The following ERC2 variants were observed in gnomAD, a reference collection of about 807,000 sequenced individuals.
ERC2 encodes ELKS/RAB6-interacting/CAST family member 2.
Under a neutral mutation model 114.8 loss-of-function variants are expected in ERC2, and 42 were observed. The ratio of observed to expected loss-of-function variants is 0.37; its 90% CI spans 0.29 to 0.47. The LOEUF (loss-of-function observed/expected upper bound fraction) is 0.47, where lower values mean the gene tolerates loss of function less well. Ranked by LOEUF, ERC2 falls within the 20% of genes least tolerant of loss-of-function variation. The pLI, the probability that ERC2 is intolerant of heterozygous loss-of-function variation, is 0.99. For missense variants in ERC2, 939 were observed against 1,150.7 expected, an observed-to-expected ratio of 0.82 and a Z score of 2.66; for synonymous variants, 454 against 425.5, an observed-to-expected ratio of 1.07 and a Z score of -0.82.
chr3:55,529,014 G>A (rs2053509124), intron 17 of ERC2, among the ~76,000 whole-genome samples: 3 of 152,162 alleles, frequency 2.0e-5, no homozygotes, highest in African/African-American at 7.2e-5. Flanking sequence ...TCAAGTATGG[G>A]ATTCTGCCAT....
chr3:55,509,791 G>A lies in ERC2; in HGVS notation c.*1525C>T, dbSNP rs1273194809. The A allele has an allele frequency of 2.0e-5, 3 of 152,582 alleles. No homozygotes were observed. Among genetic ancestry groups the A allele is most frequent in the Non-Finnish European group, 4.4e-5 (3 of 68,032 alleles). 9.5% of individuals were successfully genotyped at this position (152,582 alleles called of 1,614,324 possible). A position where few individuals can be genotyped will look rare whatever the true frequency, so the allele number is the denominator to read the frequency against. On this transcript the variant is annotated 3_prime_UTR_variant, in exon 18 of 18. Transcript: ENST00000288221. ...TGACTAAATTCAATGCAAGACTTCA[G>A]GGACATCTGTTTAGAATCCTTTCCA...
intron 4 of ERC2, among the ~76,000 whole-genome samples, chr3:56,167,879 A>G (rs2082404937): frequency 6.6e-6 from 1 of 152,154 alleles, no homozygotes. Flanking sequence ...TAACACATGC[A>G]TGTAAAAAGG....
chr3:55,844,746 C>T (rs1463673961), intron 14 of ERC2, among the ~76,000 whole-genome samples: 1 of 152,134 alleles, frequency 6.6e-6, no homozygotes, highest in Non-Finnish European at 1.5e-5. Context: ...ATTGTTATAA[C>T]ACCAAAATAA....
At chr3:56,155,338 C>T (rs2081644440) in intron 4 of ERC2, among the ~76,000 whole-genome samples, 1 of 147,396 alleles carries the variant, frequency 6.8e-6, no homozygotes, top group African/African-American at 2.5e-5. Context: ...AAAGATCTCT[C>T]TCTTATTTTC....
At chr3:56,060,757 A>C (rs980255282) in intron 7 of ERC2, among the ~76,000 whole-genome samples, 1 of 152,218 alleles carries the variant, frequency 6.6e-6, no homozygotes, top group Non-Finnish European at 1.5e-5. Context: ...TTATTACAAC[A>C]GCCAAATTGA....
At chr3:56,357,689 C>T (rs76761822) in intron 2 of ERC2, among the ~76,000 whole-genome samples, 110 of 151,186 alleles carry the variant, frequency 7.3e-4, no homozygotes, top group African/African-American at 2.6e-3. Flanking sequence ...TCATATTCAG[C>T]TAACTAAAGA....
At position 56,275,788 on chromosome 3, in the gene ERC2, C is replaced by A. The variant is rs79123197; in HGVS notation, c.1074+20231G>T. 2.0e-5 allele frequency among the ~76,000 whole-genome samples: 3 copies of A among 152,282 alleles called. No homozygotes were observed. The East Asian group carries it at 5.8e-4, about 29-fold the overall frequency. ...TTCAACAGGGGATGACTCTATCCCA[C>A]AGGAGACACCTGGCAATGTCTGCAG... On this transcript the variant is annotated intron_variant, in intron 3 of 17. Coordinates refer to ENST00000288221, the MANE Select transcript of ERC2 (RefSeq NM_015576.3).
intron 2 of ERC2, among the ~76,000 whole-genome samples, chr3:56,427,600 T>C (rs2061621189): frequency 1.3e-5 from 2 of 152,124 alleles, no homozygotes; most frequent in African/African-American, 4.8e-5. Context: ...GTCATTAGGG[T>C]AGACTCTAAT....
intron 3 of ERC2, among the ~76,000 whole-genome samples, chr3:56,213,059 C>T (rs533018873): frequency 7.1e-4 from 108 of 152,196 alleles, no homozygotes; most frequent in South Asian, 3.5e-3. Flanking sequence ...GGATAAAAGA[C>T]TACACATGAG....
At chr3:56,041,404 C>T (rs910492889) in intron 7 of ERC2, among the ~76,000 whole-genome samples, 1 of 152,108 alleles carries the variant, frequency 6.6e-6, no homozygotes, top group Non-Finnish European at 1.5e-5. Flanking sequence ...GCTGATGAAG[C>T]TGCTGTAGGC....
At chr3:56,126,582 C>A (rs2149874679) in intron 6 of ERC2, among the ~76,000 whole-genome samples, 1 of 152,048 alleles carries the variant, frequency 6.6e-6, no homozygotes, top group East Asian at 1.9e-4. Context: ...TACAGCAAGA[C>A]CTCATTTCTA....
At chr3:55,647,942 G>T (rs1176444031) in intron 17 of ERC2, among the ~76,000 whole-genome samples, 1 of 152,206 alleles carries the variant, frequency 6.6e-6, no homozygotes, top group African/African-American at 2.4e-5. Context: ...GGGCTACTTG[G>T]GGGAGTCCTT....
At chr3:55,792,980 T>A (rs751370280) in intron 14 of ERC2, among the ~76,000 whole-genome samples, 8 of 152,224 alleles carry the variant, frequency 5.3e-5, no homozygotes, top group African/African-American at 9.6e-5. Flanking sequence ...CTGGTGATGC[T>A]ATAACCCTGA....
At chr3:55,662,812 C>T (rs1414079338) in intron 17 of ERC2, among the ~76,000 whole-genome samples, 2 of 152,010 alleles carry the variant, frequency 1.3e-5, no homozygotes, top group Non-Finnish European at 2.9e-5. Flanking sequence ...AAATTAAGGC[C>T]GGCCAAACAG....
At chr3:55,521,035 A>T (rs985247590) in intron 17 of ERC2, among the ~76,000 whole-genome samples, 5 of 152,208 alleles carry the variant, frequency 3.3e-5, no homozygotes, top group African/African-American at 1.2e-4. Context: ...TCCAATGACA[A>T]GTGTTTACAA....
At chr3:55,620,740 C>T (rs1211021073) in intron 17 of ERC2, among the ~76,000 whole-genome samples, 1 of 152,162 alleles carries the variant, frequency 6.6e-6, no homozygotes, top group Non-Finnish European at 1.5e-5. Flanking sequence ...AACTTGAAAG[C>T]ACTCCGATTC....
chr3:55,808,453 C>A (rs2059573477), intron 14 of ERC2, among the ~76,000 whole-genome samples: 1 of 151,616 alleles, frequency 6.6e-6, no homozygotes, highest in Non-Finnish European at 1.5e-5. Flanking sequence ...TTTAGGTAAC[C>A]CCACCTTCAA....
intron 3 of ERC2, among the ~76,000 whole-genome samples, chr3:56,238,111 G>C (rs983448470): frequency 6.6e-6 from 1 of 151,754 alleles, no homozygotes; most frequent in African/African-American, 2.4e-5. Context: ...CAAAATGCAG[G>C]GTTTTTTCTT....
chr3:56,017,794 C>T (rs2073410002), intron 8 of ERC2, among the ~76,000 whole-genome samples: 1 of 152,154 alleles, frequency 6.6e-6, no homozygotes, highest in African/African-American at 2.4e-5. Flanking sequence ...AGAGTCTAAA[C>T]TCCATTAGAG....
Sources: allele counts gnomAD v4.1 joint callset (sites outside exome capture counted in the v4.1 genomes callset), GRCh38; gene constraint gnomAD v4.1.1; transcripts MANE v1.5; gene names NCBI Gene and HGNC (gene_info 2026-07-23, HGNC 2026-07-21).